Variants in XYLT1 observed in about 807,000 individuals in gnomAD.
The protein encoded by XYLT1 is xylosyltransferase 1.
XYLT1 carries 36 observed loss-of-function variants against 91.3 expected under a neutral mutation model. That is an observed-to-expected ratio of 0.39 (90% CI 0.30 to 0.52). The LOEUF (loss-of-function observed/expected upper bound fraction) is 0.52, where lower values mean the gene tolerates loss of function less well. Among genes scored for constraint, XYLT1 ranks in the 20% least tolerant of loss-of-function variants. The pLI is 0.68. For synonymous variants in XYLT1, 588 were observed against 532.0 expected, an observed-to-expected ratio of 1.11 and a Z score of -1.45; for missense variants, 1,242 against 1,284.5, an observed-to-expected ratio of 0.97 and a Z score of 0.51.
chr16:17,131,295 G>A (rs1376945522), intron 9 of XYLT1, among the ~76,000 whole-genome samples: 1 of 152,206 alleles, frequency 6.6e-6, no homozygotes, highest in Non-Finnish European at 1.5e-5. Context: ...AACTGTTAAT[G>A]TCTCAAAACA....
chr16:17,461,340 A>C (rs143181152), intron 1 of XYLT1, among the ~76,000 whole-genome samples: 2 of 152,214 alleles, frequency 1.3e-5, no homozygotes, highest in Non-Finnish European at 2.9e-5. Flanking sequence ...TAGGCAATGA[A>C]CCAGGCTAGG....
At chr16:17,148,832 TGAGA>T (rs1011853660) in intron 6 of XYLT1, among the ~76,000 whole-genome samples, 1 of 152,108 alleles carries the variant, frequency 6.6e-6, no homozygotes, top group Non-Finnish European at 1.5e-5. Flanking sequence ...TGCCCAGAAA[TGAGA>T]GAGAATCAAA....
At chr16:17,121,931 T>C (rs912122916) in intron 10 of XYLT1, among the ~76,000 whole-genome samples, 2 of 152,132 alleles carry the variant, frequency 1.3e-5, no homozygotes, top group Non-Finnish European at 2.9e-5. Flanking sequence ...ATTGTTTCGT[T>C]CCTTTTTATG....
In XYLT1 at chr16:17,171,919, G is replaced by A. The variant is rs531383189; in HGVS notation, c.1290-13010C>T. Among the ~76,000 whole-genome samples, 13 of 152,372 alleles carry A rather than the reference G, an allele frequency of 8.5e-5. No individual in the cohort carries two copies. In the East Asian group the frequency reaches 1.4e-3, roughly 16 times the overall value. On this transcript the variant is annotated intron_variant, in intron 5 of 11. Coordinates refer to ENST00000261381, the MANE Select transcript of XYLT1 (RefSeq NM_022166.4). ...CAGTTCTCCTTTAGGAGAGGAAGGA[G>A]GCTGGCATCTTACTCAATAGCAGAA... is the stretch of plus-strand genomic sequence containing the variant.
chr16:17,231,021 T>C (rs2033149688), intron 3 of XYLT1, among the ~76,000 whole-genome samples: 2 of 152,214 alleles, frequency 1.3e-5, no homozygotes, highest in Admixed American at 1.3e-4. Flanking sequence ...GAATCCCACT[T>C]TGATGCTCTT....
At chr16:17,371,282 T>A (rs2035528938) in intron 1 of XYLT1, among the ~76,000 whole-genome samples, 1 of 152,238 alleles carries the variant, frequency 6.6e-6, no homozygotes, top group Admixed American at 6.5e-5. Flanking sequence ...TTTGTTTTTA[T>A]GCTTAATGAA....
chr16:17,235,771 GTCC>G (rs2033238072), intron 3 of XYLT1, among the ~76,000 whole-genome samples: 1 of 152,168 alleles, frequency 6.6e-6, no homozygotes, highest in Admixed American at 6.5e-5. Context: ...CACCTTGAGT[GTCC>G]TCCAAGTAAC....
chr16:17,186,942 C>G (rs112635027), intron 5 of XYLT1, among the ~76,000 whole-genome samples: 1 of 151,998 alleles, frequency 6.6e-6, no homozygotes, highest in Non-Finnish European at 1.5e-5. Context: ...AGGGTTAGAA[C>G]GAGAATACGC....
Position 17,104,501 on chromosome 16 carries a change from T to G in XYLT1, c.*4194A>C, listed in dbSNP as rs1379431950. ...CCGAGTTCAACATGGGCTGTTATTT[T>G]TGCCCTGACCTGATGCTGGCTTTTT... is the stretch of plus-strand genomic sequence containing the variant. On this transcript the variant is annotated 3_prime_UTR_variant, in exon 12 of 12. Transcript: ENST00000261381. The G allele has an allele frequency of 6.6e-6, 1 of 152,176 alleles. No individual in the cohort carries two copies. The highest frequency in any genetic ancestry group is 6.5e-5 in the Admixed American group (1 of 15,272). The allele number at this position is 152,176 out of a possible 1,614,324, so 9.4% of individuals were successfully genotyped here.
Position 17,117,626 on chromosome 16 carries a change from T to C in XYLT1, c.2557+20A>G, listed in dbSNP as rs751544794. On this transcript the variant is annotated intron_variant, in intron 11 of 11. Coordinates refer to ENST00000261381, the MANE Select transcript of XYLT1 (RefSeq NM_022166.4). ...CCAGGGAAGGAGTATTTCTCCCACA[T>C]AGACACTGGGAGTACTTACCAGGTT... 8.1e-6 allele frequency: 13 copies of C among 1,599,374 alleles called. No homozygotes were observed. The highest frequency in any genetic ancestry group is 3.4e-5 in the Admixed American group (2 of 59,522).
At chr16:17,330,644 A>T (rs1057132108) in intron 2 of XYLT1, among the ~76,000 whole-genome samples, 1 of 151,570 alleles carries the variant, frequency 6.6e-6, no homozygotes, top group Non-Finnish European at 1.5e-5. Flanking sequence ...AAAAAAAAAA[A>T]TTAGCTGGAT....
chr16:17,148,787 C>T (rs530966648), intron 6 of XYLT1, among the ~76,000 whole-genome samples: 13 of 152,244 alleles, frequency 8.5e-5, no homozygotes, highest in Non-Finnish European at 1.8e-4. Flanking sequence ...ATAGAAAGAA[C>T]GGATCTGTGA....
chr16:17,440,186 G>T (rs2036514437), intron 1 of XYLT1, among the ~76,000 whole-genome samples: 1 of 152,188 alleles, frequency 6.6e-6, no homozygotes, highest in African/African-American at 2.4e-5. Flanking sequence ...CTACGTAAGT[G>T]AATTTGGAAG....
chr16:17,422,572 C>A (rs141436529), intron 1 of XYLT1, among the ~76,000 whole-genome samples: 1 of 151,984 alleles, frequency 6.6e-6, no homozygotes, highest in Non-Finnish European at 1.5e-5. Context: ...TGCAGTAGTG[C>A]GATCTTGGCT....
At chr16:17,431,751 G>A (rs530252990) in intron 1 of XYLT1, among the ~76,000 whole-genome samples, 48 of 152,338 alleles carry the variant, frequency 3.2e-4, no homozygotes, top group African/African-American at 1.0e-3. Context: ...GGTAAATCAC[G>A]TTGTCCAATA....
chr16:17,112,124 A>G (rs1395482911), intron 11 of XYLT1, among the ~76,000 whole-genome samples: 1 of 151,952 alleles, frequency 6.6e-6, no homozygotes, highest in Non-Finnish European at 1.5e-5. Context: ...TGGTTGATGC[A>G]AAAAAACCCT....
At chr16:17,202,931 A>C (rs1021025803) in intron 3 of XYLT1, among the ~76,000 whole-genome samples, 4 of 152,116 alleles carry the variant, frequency 2.6e-5, no homozygotes, top group African/African-American at 9.7e-5. Flanking sequence ...CCTTTTATTG[A>C]GCATTGACCA....
intron 6 of XYLT1, among the ~76,000 whole-genome samples, chr16:17,141,573 G>A (rs537079383): frequency 5.9e-5 from 9 of 152,230 alleles, no homozygotes; most frequent in East Asian, 1.9e-4. Context: ...CCCCTATGAC[G>A]CAGGTACTAT....
chr16:17,241,259 A>G (rs1376066266), intron 3 of XYLT1, among the ~76,000 whole-genome samples: 1 of 152,234 alleles, frequency 6.6e-6, no homozygotes, highest in African/African-American at 2.4e-5. Flanking sequence ...TCACGGCAAT[A>G]AACAAGGGGA....
Sources: gnomAD v4.1 joint callset for allele counts (sites outside exome capture counted in the v4.1 genomes callset) on GRCh38, gnomAD v4.1.1 for gene constraint, MANE v1.5 for transcripts, NCBI Gene and HGNC (gene_info 2026-07-23, HGNC 2026-07-21) for gene names.